RSPO1: variants seen among roughly 807,000 people sequenced by gnomAD.
The protein encoded by RSPO1 is R-spondin-1.
RSPO1 carries 18 observed loss-of-function variants against 26.0 expected under a neutral mutation model. That is an observed-to-expected ratio of 0.69 (90% CI 0.48 to 1.03). The LOEUF is 1.03. Among genes scored for constraint, RSPO1 ranks in the 50% least tolerant of loss-of-function variants. RSPO1 has a pLI of 0.00. For synonymous variants in RSPO1, 133 were observed against 137.4 expected (o/e 0.97, Z 0.22); for missense variants, 309 against 352.3 (o/e 0.88, Z 0.98).
rs759652543 is a variant in RSPO1, at chr1:37,616,518, G to A, written c.252C>T (p.Phe84=). 1.5e-5 allele frequency: 24 copies of A among 1,614,042 alleles called. No homozygotes were observed. Among genetic ancestry groups the A allele is most frequent in the Middle Eastern group, 1.6e-4 (1 of 6,084 alleles). The change falls in exon 4 of 7, where the codon TTC becomes TTT. Residue 84 remains phenylalanine (F), a synonymous_variant. Transcript: ENST00000356545. ...TGTTCATGTCGGGGTTGCGGGCGTCGAAGTATCCAGGTGGGCAGGACGGCA... is the reference window on the plus strand; with the variant it reads ...TGTTCATGTCGGGGTTGCGGGCGTCAAAGTATCCAGGTGGGCAGGACGGCA... ...VCLPSCPPGY[F]DARNPDMNKC... is the part of the protein sequence containing the mutation.
rs1419425932 is a variant in RSPO1 at position 37,634,072 on chromosome 1, G to C, written c.-356+494C>G. 1.3e-5 allele frequency among the ~76,000 whole-genome samples: 2 copies of C among 152,146 alleles called. No homozygotes were observed. Among genetic ancestry groups the C allele is most frequent in the African/African-American group, 4.8e-5 (2 of 41,426 alleles). On this transcript the variant is annotated intron_variant, in intron 1 of 6. Coordinates refer to ENST00000356545, the MANE Select transcript of RSPO1 (RefSeq NM_001242908.2). The surrounding 1 kb of genome is among the most constrained non-coding windows in gnomAD (Gnocchi z 4.7). Reference sequence around the variant, plus strand: ...CATCGGTTCCTGAGCGCCAGACCCCGAGGGCCAGGGAGCCGCGCCACTTCG... The same window carrying C: ...CATCGGTTCCTGAGCGCCAGACCCCCAGGGCCAGGGAGCCGCGCCACTTCG...
At chr1:37,625,672 C>A (rs573347976) in intron 3 of RSPO1, among the ~76,000 whole-genome samples, 2 of 151,732 alleles carry the variant, frequency 1.3e-5, no homozygotes, top group Admixed American at 1.3e-4. Flanking sequence ...GCTGGTAGGC[C>A]CAGGATTCTT....
intron 4 of RSPO1, among the ~76,000 whole-genome samples, 184 bp from the exon 5 acceptor site, chr1:37,614,517 C>T (rs1644081374): frequency 2.0e-5 from 3 of 152,310 alleles, no homozygotes; most frequent in Middle Eastern, 3.4e-3. Context: ...AGTGGCAGGC[C>T]AGGGAAGAAG....
chr1:37,627,378 T>G (rs1483292720), intron 3 of RSPO1, among the ~76,000 whole-genome samples: 2 of 152,138 alleles, frequency 1.3e-5, no homozygotes. Context: ...TACACAGAAC[T>G]TGATGTTTTA....
intron 4 of RSPO1, 86 bp downstream of exon 4, chr1:37,616,397 CT>C: frequency 7.5e-7 from 1 of 1,326,564 alleles, no homozygotes; most frequent in Non-Finnish European, 1.1e-6. Flanking sequence ...CTCTGCTCCT[CT>C]TGCCAGCCAC....
intron 4 of RSPO1, among the ~76,000 whole-genome samples, chr1:37,614,821 C>T (rs549837694): frequency 1.3e-5 from 2 of 152,336 alleles, no homozygotes; most frequent in South Asian, 4.1e-4. Context: ...ATGTCCCAAA[C>T]TGTGGTTCTC....
intron 5 of RSPO1, 107 bp downstream of exon 5, chr1:37,614,077 C>A (rs924015306): frequency 2.2e-6 from 3 of 1,391,768 alleles, no homozygotes; most frequent in Non-Finnish European, 2.0e-6. Flanking sequence ...GTAGGGTAAG[C>A]TCTCCCTGCA....
intron 2 of RSPO1, among the ~76,000 whole-genome samples, chr1:37,631,340 C>T (rs924272935): frequency 2.6e-5 from 4 of 152,158 alleles, no homozygotes; most frequent in African/African-American, 4.8e-5. Flanking sequence ...AGGAGATGCC[C>T]CCAGCTACCC....
intron 3 of RSPO1, among the ~76,000 whole-genome samples, chr1:37,628,028 A>G (rs1454933043): frequency 6.6e-6 from 1 of 152,212 alleles, no homozygotes; most frequent in East Asian, 1.9e-4. Context: ...TCTGATGCCA[A>G]GTCTAGTACT....
At chr1:37,622,540 TG>T (rs1181836381) in intron 3 of RSPO1, among the ~76,000 whole-genome samples, 2 of 151,726 alleles carry the variant, frequency 1.3e-5, no homozygotes, top group Non-Finnish European at 2.9e-5. Flanking sequence ...GTTAGATCTG[TG>T]GGAACAGAAG....
intron 3 of RSPO1, among the ~76,000 whole-genome samples, chr1:37,619,708 A>G (rs1301793109): frequency 6.6e-6 from 1 of 151,782 alleles, no homozygotes; most frequent in African/African-American, 2.4e-5. Context: ...ACAACAACCC[A>G]TGAGGTAGGT....
chr1:37,615,756 G>A (rs535313211), intron 4 of RSPO1, among the ~76,000 whole-genome samples: 12 of 152,332 alleles, frequency 7.9e-5, no homozygotes, highest in South Asian at 6.2e-4. Flanking sequence ...ATATGGTAGC[G>A]TGTGCCTTGG....
Position 37,629,652 on chromosome 1 carries a change from C to G in RSPO1, c.10G>C (p.Gly4Arg). Residue 4 changes from glycine (G) to arginine (R), a missense_variant, in exon 3 of 7, where the codon GGG (glycine) becomes CGG (arginine). Gly to Arg is a moderately radical substitution (Grantham distance 125, BLOSUM62 -2). Transcript: ENST00000356545. MRL[G>R]LCVVALVLSW... ...AGAACCAGGGCCACCACACACAGCC[C>G]AAGCCGCATAGTCACGCGCCAGCTC... The G allele has an allele frequency of 6.2e-7, 1 of 1,614,106 alleles. No individual in the cohort carries two copies. The highest frequency in any genetic ancestry group is 1.6e-4 in the Middle Eastern group (1 of 6,062).
At chr1:37,630,421 A>G (rs1208259201) in intron 2 of RSPO1, among the ~76,000 whole-genome samples, 3 of 152,194 alleles carry the variant, frequency 2.0e-5, no homozygotes, top group Non-Finnish European at 2.9e-5. Context: ...CTGGAGTTAG[A>G]GCAGTGGCCC....
At chr1:37,624,391 AG>A (rs1644247274) in intron 3 of RSPO1, among the ~76,000 whole-genome samples, 1 of 152,138 alleles carries the variant, frequency 6.6e-6, no homozygotes, top group Non-Finnish European at 1.5e-5. Flanking sequence ...AGCGAGGGCA[AG>A]GGGTGCTTGT....
chr1:37,633,970 C>A (rs992396208), intron 1 of RSPO1, among the ~76,000 whole-genome samples: 1 of 152,228 alleles, frequency 6.6e-6, no homozygotes, highest in South Asian at 2.1e-4. Context: ...CCCAAGCACA[C>A]TCACTCCAAG....
intron 3 of RSPO1, among the ~76,000 whole-genome samples, chr1:37,618,426 T>C (rs528838448): frequency 1.3e-5 from 2 of 152,328 alleles, no homozygotes; most frequent in East Asian, 3.9e-4. Context: ...CTTCTCAGAC[T>C]GTTTAGACAT....
In RSPO1 at chr1:37,612,736, T is replaced by C. The variant is rs767823808; in HGVS notation, c.*19A>G. The C allele has an allele frequency of 1.9e-6, 3 of 1,607,664 alleles. No homozygotes were observed. The East Asian group carries it at 6.7e-5, about 36-fold the overall frequency. ...GCACTGAACTCTTTCTGCATGGGCC[T>C]GGAGGCTGGACAGTGTCCCTAGGCA... On this transcript the variant is annotated 3_prime_UTR_variant, in exon 7 of 7. Transcript: ENST00000356545.
chr1:37,613,573 G>T lies in RSPO1; in HGVS notation c.625+131C>A, dbSNP rs116705220. 5.6e-5 allele frequency: 41 copies of T among 737,004 alleles called. No homozygotes were observed. In the African/African-American group the frequency reaches 6.2e-4, roughly 11 times the overall value. The allele number at this position is 737,004 out of a possible 1,614,324, so 45.7% of individuals were successfully genotyped here. A position where few individuals can be genotyped will look rare whatever the true frequency, so the allele number is the denominator to read the frequency against. On this transcript the variant is annotated intron_variant, in intron 6 of 6. Transcript: ENST00000356545. The surrounding 1 kb of genome is among the most constrained non-coding windows in gnomAD (Gnocchi z 4.5). Reference sequence around the variant, plus strand: ...TCTGGATTGGACAGCATGAGGTCTTGAGTTGCGGGTGCCCCATCTGGCCTT... The same window carrying T: ...TCTGGATTGGACAGCATGAGGTCTTTAGTTGCGGGTGCCCCATCTGGCCTT...
Sources: gnomAD v4.1 joint callset for allele counts (sites outside exome capture counted in the v4.1 genomes callset) on GRCh38, gnomAD v4.1.1 for gene constraint, Gnocchi (gnomAD v3.1) non-coding constraint, MANE v1.5 for transcripts, NCBI Gene and HGNC (gene_info 2026-07-23, HGNC 2026-07-21) for gene names.